GALNTL6: variants seen among roughly 807,000 people sequenced by gnomAD.
GALNTL6 encodes polypeptide N-acetylgalactosaminyltransferase like 6, also known as polypeptide N-acetylgalactosaminyltransferase-like 6.
In GALNTL6, 46 loss-of-function variants were observed where a neutral mutation model predicts 73.7. The ratio of observed to expected loss-of-function variants is 0.62; its 90% CI spans 0.49 to 0.80. GALNTL6 has a LOEUF of 0.80. GALNTL6 is among the 30% of genes least tolerant of loss of function. The pLI, the probability that GALNTL6 is intolerant of heterozygous loss-of-function variation, is 0.00. For synonymous variants in GALNTL6, 259 were observed against 263.7 expected (o/e 0.98, Z 0.17); for missense variants, 604 against 755.0 (o/e 0.80, Z 2.34).
At chr4:172,424,226 T>A (rs1310426153) in intron 5 of GALNTL6, among the ~76,000 whole-genome samples, 3 of 152,160 alleles carry the variant, frequency 2.0e-5, no homozygotes, top group African/African-American at 7.2e-5. Flanking sequence ...TGTTATTTTT[T>A]AAATTTTATT....
Position 172,068,040 on chromosome 4 carries a change from TTTGTTG to T in GALNTL6, c.139-161604_139-161599del, listed in dbSNP as rs145356503. On this transcript the variant is annotated intron_variant, in intron 2 of 12. Coordinates refer to ENST00000506823, the MANE Select transcript of GALNTL6 (RefSeq NM_001034845.3). ...CTGACATCTCTGGATCCAACAGGTTTTTGTTGTTGTTGTTGTTTTTCCTGGACTGTG... is the reference window on the plus strand; with the variant it reads ...CTGACATCTCTGGATCCAACAGGTTTTTGTTGTTGTTTTTCCTGGACTGTG... Among the ~76,000 whole-genome samples the T allele has an allele frequency of 2.9e-5, 3 of 103,376 alleles. 1 individual carries two copies. Among genetic ancestry groups the T allele is most frequent in the South Asian group, 5.9e-4 (2 of 3,418 alleles). 67.8% of individuals were successfully genotyped at this position (103,376 alleles called of 152,430 possible).
chr4:173,012,524 A>G (rs1367699294), intron 11 of GALNTL6, among the ~76,000 whole-genome samples: 2 of 152,208 alleles, frequency 1.3e-5, no homozygotes, highest in African/African-American at 4.8e-5. Context: ...TTCTAGGAGG[A>G]CTGTGGGCCT....
At chr4:172,637,523 C>T (rs1042708229) in intron 5 of GALNTL6, among the ~76,000 whole-genome samples, 2 of 152,118 alleles carry the variant, frequency 1.3e-5, no homozygotes, top group Non-Finnish European at 2.9e-5. Context: ...ATATTAATCA[C>T]GTTGATTATC....
chr4:172,296,963 G>A (rs1185877884), intron 3 of GALNTL6, among the ~76,000 whole-genome samples: 1 of 152,164 alleles, frequency 6.6e-6, no homozygotes, highest in Non-Finnish European at 1.5e-5. Context: ...GGTTGATCTA[G>A]TTTACAGTCC....
intron 3 of GALNTL6, among the ~76,000 whole-genome samples, chr4:172,302,409 G>A (rs1039891593): frequency 2.6e-5 from 4 of 152,142 alleles, no homozygotes; most frequent in Non-Finnish European, 5.9e-5. Context: ...CCAGTGAGAT[G>A]CACCCAGTAC....
intron 5 of GALNTL6, among the ~76,000 whole-genome samples, chr4:172,500,076 C>A (rs1024749869): frequency 1.3e-5 from 2 of 151,920 alleles, no homozygotes; most frequent in African/African-American, 4.8e-5. Context: ...GAGTAAATCC[C>A]AAATATAATA....
chr4:172,621,749 AGGT>A (rs1738967892), intron 5 of GALNTL6, among the ~76,000 whole-genome samples: 1 of 152,196 alleles, frequency 6.6e-6, no homozygotes, highest in South Asian at 2.1e-4. Context: ...CCTAGGTTTT[AGGT>A]TTCTACTTCC....
At chr4:172,524,743 A>T (rs140115436) in intron 5 of GALNTL6, among the ~76,000 whole-genome samples, 1 of 152,300 alleles carries the variant, frequency 6.6e-6, no homozygotes, top group African/African-American at 2.4e-5. Flanking sequence ...CATTCTCTTA[A>T]CAGTATCATT....
At chr4:172,090,289 A>G (rs182593517) in intron 2 of GALNTL6, among the ~76,000 whole-genome samples, 33 of 152,282 alleles carry the variant, frequency 2.2e-4, no homozygotes, top group Middle Eastern at 3.4e-3. Flanking sequence ...GTCTTTCACA[A>G]TGGTTGAACT....
intron 2 of GALNTL6, among the ~76,000 whole-genome samples, chr4:171,915,021 A>G (rs1419732337): frequency 1.3e-5 from 2 of 152,038 alleles, no homozygotes; most frequent in Non-Finnish European, 2.9e-5. Flanking sequence ...TATAAAACTT[A>G]TTTGTTATAA....
intron 2 of GALNTL6, among the ~76,000 whole-genome samples, chr4:171,836,047 C>T (rs1735085752): frequency 1.3e-5 from 2 of 149,548 alleles, no homozygotes; most frequent in South Asian, 4.2e-4. Context: ...TATCACTTAG[C>T]CATACAGCAT....
At chr4:173,014,553 G>C (rs561361908) in intron 11 of GALNTL6, among the ~76,000 whole-genome samples, 34 of 152,282 alleles carry the variant, frequency 2.2e-4, no homozygotes, top group African/African-American at 8.2e-4. Context: ...GTGCATCCAG[G>C]GGACAGATTT....
chr4:173,015,427 C>T (rs1752741631), intron 11 of GALNTL6, among the ~76,000 whole-genome samples: 5 of 152,118 alleles, frequency 3.3e-5, no homozygotes, highest in Admixed American at 3.3e-4. Flanking sequence ...CAGGAAAATG[C>T]AGGAAAGTTT....
chr4:172,337,023 C>T (rs961384806), intron 4 of GALNTL6, among the ~76,000 whole-genome samples: 2 of 152,070 alleles, frequency 1.3e-5, no homozygotes, highest in East Asian at 3.9e-4. Context: ...TATATAATGT[C>T]CTTCTTTTTC....
At chr4:172,917,266 TAAATGTTAGACCTA>T (rs376069530) in intron 8 of GALNTL6, among the ~76,000 whole-genome samples, 16,197 of 152,152 alleles carry the variant, frequency 0.11, 1,190 homozygotes, top group Non-Finnish European at 0.16. Context: ...ATTAAAGACT[TAAATGTTAGACCTA>T]AAACCATAAA....
chr4:172,290,215 A>C (rs1000445205), intron 3 of GALNTL6, among the ~76,000 whole-genome samples: 1 of 143,014 alleles, frequency 7.0e-6, no homozygotes, highest in African/African-American at 2.7e-5. Flanking sequence ...TTGAAACACC[A>C]TGAATTGTAA....
In GALNTL6 at chr4:171,817,278, A is replaced by G. The variant is rs554598539; in HGVS notation, c.138+2560A>G. On this transcript the variant is annotated intron_variant, in intron 2 of 12. Coordinates refer to ENST00000506823, the MANE Select transcript of GALNTL6 (RefSeq NM_001034845.3). ...GTTCTAGTTCTGAGTATCATGTGGT[A>G]GTGGTCATAAGAGCTGAAAAACTTG... is the stretch of plus-strand genomic sequence containing the variant. 1.4e-4 allele frequency among the ~76,000 whole-genome samples: 22 copies of G among 152,176 alleles called. No homozygotes were observed. The South Asian group carries it at 4.6e-3, about 32-fold the overall frequency.
At chr4:172,340,716 T>G (rs1025087250) in intron 4 of GALNTL6, among the ~76,000 whole-genome samples, 2 of 152,216 alleles carry the variant, frequency 1.3e-5, no homozygotes, top group Non-Finnish European at 1.5e-5. Flanking sequence ...CTAGGGATAA[T>G]TTGCCACCCT....
Position 172,406,230 on chromosome 4 carries a change from T to G in GALNTL6, c.553+57541T>G, listed in dbSNP as rs549344269. Among the ~76,000 whole-genome samples the G allele has an allele frequency of 1.9e-3, 284 of 152,164 alleles. 2 individuals are homozygous for G. The highest frequency in any genetic ancestry group is 6.7e-3 in the African/African-American group (277 of 41,558). On this transcript the variant is annotated intron_variant, in intron 5 of 12. Transcript: ENST00000506823. The stretch of plus-strand genomic sequence containing the variant: ...ATTTTGAGAGGGGGTCTTGTAGTGT[T>G]ATTCAGAATGAATTCAAACTCCTGG...
Sources: gnomAD v4.1 joint callset for allele counts (sites outside exome capture counted in the v4.1 genomes callset) on GRCh38, gnomAD v4.1.1 for gene constraint, MANE v1.5 for transcripts, NCBI Gene and HGNC (gene_info 2026-07-23, HGNC 2026-07-21) for gene names.